Variants in WAC observed in about 807,000 individuals in gnomAD.
The protein encoded by WAC is WW domain containing adaptor with coiled-coil, also known as WW domain-containing adapter protein with coiled-coil.
Under a neutral mutation model 79.6 loss-of-function variants are expected in WAC, and 11 were observed. The ratio of observed to expected loss-of-function variants is 0.14; its 90% confidence interval spans 0.09 to 0.23. The LOEUF (loss-of-function observed/expected upper bound fraction) is 0.23. Among genes scored for constraint, WAC ranks in the 10% least tolerant of loss-of-function variants. WAC has a pLI of 1.00. For missense variants in WAC, 728 were observed against 773.5 expected (o/e 0.94, Z 0.70); for synonymous variants, 304 against 276.9 (o/e 1.10, Z -0.97).
At chr10:28,557,026 C>T (rs1387032860) in intron 3 of WAC, among the ~76,000 whole-genome samples, 1 of 149,542 alleles carries the variant, frequency 6.7e-6, no homozygotes, top group Non-Finnish European at 1.5e-5. Flanking sequence ...AAATGCTTAG[C>T]TATTTGTGGT....
At chr10:28,599,263 CTGT>C (rs1329634445) in intron 7 of WAC, among the ~76,000 whole-genome samples, 6 of 152,078 alleles carry the variant, frequency 3.9e-5, no homozygotes, top group Non-Finnish European at 8.8e-5. Context: ...TCAGGTTGGC[CTGT>C]TGTTCTTAAG....
chr10:28,612,954 TGG>T, intron 10 of WAC, among the ~76,000 whole-genome samples: 1 of 152,192 alleles, frequency 6.6e-6, no homozygotes, highest in Non-Finnish European at 1.5e-5. Context: ...GTGGTAGTAT[TGG>T]TTTTATAGTC....
At chr10:28,565,989 A>G (rs1564389674) in intron 3 of WAC, among the ~76,000 whole-genome samples, 1 of 152,170 alleles carries the variant, frequency 6.6e-6, no homozygotes, top group South Asian at 2.1e-4. Flanking sequence ...CATTTATACC[A>G]AAGTTTCATA....
chr10:28,603,472 C>T (rs571082717), intron 7 of WAC, among the ~76,000 whole-genome samples: 8 of 152,296 alleles, frequency 5.3e-5, no homozygotes, highest in African/African-American at 1.9e-4. Context: ...ACACTACATT[C>T]TCTCACGTAA....
In WAC at chr10:28,568,927, G is replaced by A. The variant is rs576448206; in HGVS notation, c.275-14472G>A. On this transcript the variant is annotated intron_variant, in intron 3 of 13. Transcript: ENST00000354911. ...AACACCCAGATAAATAGTAATTAGA[G>A]AACATATATGTCCCTGTGATTACAT... Among the ~76,000 whole-genome samples the A allele has an allele frequency of 3.9e-5, 6 of 152,270 alleles. No homozygotes were observed. The South Asian group carries it at 1.2e-3, about 32-fold the overall frequency.
Position 28,588,669 on chromosome 10 carries a change from T to C in WAC, c.382-1067T>C, listed in dbSNP as rs1460712621. 3 of 152,192 alleles carry C rather than the reference T, an allele frequency of 2.0e-5. No individual in the cohort carries two copies. The East Asian group carries it at 5.8e-4, about 29-fold the overall frequency. 9.4% of individuals were successfully genotyped at this position (152,192 alleles called of 1,614,324 possible). A position where few individuals can be genotyped will look rare whatever the true frequency, so the allele number is the denominator to read the frequency against. On this transcript the variant is annotated intron_variant, in intron 4 of 13. Coordinates refer to ENST00000354911, the MANE Select transcript of WAC (RefSeq NM_016628.5). Reference sequence around the variant, plus strand: ...GCACGATACAGTGAACCCAGAAGGATAGGCTATGATAGTATAGTACATTAT... The same window carrying C: ...GCACGATACAGTGAACCCAGAAGGACAGGCTATGATAGTATAGTACATTAT...
chr10:28,557,901 C>T (rs868263865), intron 3 of WAC, among the ~76,000 whole-genome samples: 3 of 151,646 alleles, frequency 2.0e-5, no homozygotes, highest in African/African-American at 4.8e-5. Context: ...TGTGAAACCT[C>T]GTCTCTACTA....
rs1231340137 is a variant in WAC, at chr10:28,589,550, A to G, written c.382-186A>G. Reference sequence around the variant, plus strand: ...TCTGCTTAATTTTGATATTTTATAAAGTTCTGTTGTCTTTGAAGATTTTCA... The same window carrying G: ...TCTGCTTAATTTTGATATTTTATAAGGTTCTGTTGTCTTTGAAGATTTTCA... On this transcript the variant is annotated intron_variant, in intron 4 of 13. Coordinates refer to ENST00000354911, the MANE Select transcript of WAC (RefSeq NM_016628.5). The G allele has an allele frequency of 4.2e-5, 14 of 334,996 alleles. No individual in the cohort carries two copies. The highest frequency in any genetic ancestry group is 4.8e-5 in the Admixed American group (1 of 20,728). The allele number at this position is 334,996 out of a possible 1,614,324, so 20.8% of individuals were successfully genotyped here.
At position 28,533,230 on chromosome 10, in the gene WAC, G is replaced by C. The variant is rs1034703438; in HGVS notation, c.-350G>C. ...AGGCGGCGGCAGCAGCGGCGGCGGC[G>C]GGGGGAGGAGGGGAGGAGGCGGCGG... On this transcript the variant is annotated 5_prime_UTR_variant, in exon 1 of 14. Transcript: ENST00000354911. The C allele has an allele frequency of 1.2e-5, 2 of 167,946 alleles. No homozygotes were observed. Among genetic ancestry groups the C allele is most frequent in the Non-Finnish European group, 2.5e-5 (2 of 79,096 alleles). The allele number at this position is 167,946 out of a possible 1,614,324, so 10.4% of individuals were successfully genotyped here.
At chr10:28,587,497 A>T (rs1195060813) in intron 4 of WAC, among the ~76,000 whole-genome samples, 1 of 152,214 alleles carries the variant, frequency 6.6e-6, no homozygotes, top group Non-Finnish European at 1.5e-5. Flanking sequence ...GGTTTCCTGG[A>T]TAACACTTGG....
intron 3 of WAC, among the ~76,000 whole-genome samples, chr10:28,546,148 A>G (rs1300957269): frequency 1.3e-5 from 2 of 152,220 alleles, no homozygotes; most frequent in East Asian, 3.8e-4. Context: ...TGACAGTGCC[A>G]AAAGAGCATG....
chr10:28,538,269 A>G, intron 3 of WAC: 1 of 287,300 alleles, frequency 3.5e-6, no homozygotes. Flanking sequence ...GGCATTATAA[A>G]CTCCTTTGGA....
At chr10:28,571,222 G>A (rs986839928) in intron 3 of WAC, among the ~76,000 whole-genome samples, 1 of 152,064 alleles carries the variant, frequency 6.6e-6, no homozygotes, top group African/African-American at 2.4e-5. Context: ...GAGCCACCAT[G>A]CCTGGCCCTT....
intron 3 of WAC, among the ~76,000 whole-genome samples, chr10:28,547,666 C>A (rs1019931229): frequency 1.3e-5 from 2 of 151,686 alleles, no homozygotes; most frequent in African/African-American, 4.8e-5. Context: ...ATCATTTATC[C>A]TTTAATTTTT....
chr10:28,565,145 A>G (rs151105145), intron 3 of WAC, among the ~76,000 whole-genome samples: 149 of 152,268 alleles, frequency 9.8e-4, no homozygotes, highest in Non-Finnish European at 1.8e-3. Context: ...AAACCATCCA[A>G]GTTGTTATAT....
intron 10 of WAC, among the ~76,000 whole-genome samples, chr10:28,614,188 C>T (rs1186485314): frequency 1.3e-5 from 2 of 152,038 alleles, no homozygotes; most frequent in African/African-American, 4.8e-5. Flanking sequence ...TCACTGCAAG[C>T]TCCGCCTTCC....
rs185559563 is a variant in WAC at position 28,590,028 on chromosome 10, A to G, written c.497+177A>G. Among the ~76,000 whole-genome samples the G allele has an allele frequency of 1.5e-3, 223 of 152,276 alleles. 2 individuals are homozygous for G. The highest frequency in any genetic ancestry group is 0.012 in the Admixed American group (176 of 15,290). On this transcript the variant is annotated intron_variant, in intron 5 of 13. Transcript: ENST00000354911. ...CCATAGTTTGTCTTTACTTTTAAAA[A>G]CAAAAAACCTGGCTGGGTGCAGTGG...
chr10:28,582,506 A>T (rs1839590724), intron 3 of WAC, among the ~76,000 whole-genome samples: 1 of 152,126 alleles, frequency 6.6e-6, no homozygotes, highest in Non-Finnish European at 1.5e-5. Flanking sequence ...GGAGCATTTA[A>T]ATTGCTCTTT....
intron 3 of WAC, among the ~76,000 whole-genome samples, chr10:28,577,780 C>T (rs1009909011): frequency 3.3e-5 from 5 of 152,108 alleles, no homozygotes; most frequent in African/African-American, 4.8e-5. Flanking sequence ...GTGTCCTCTA[C>T]CATTTGACTT....
Sources: gnomAD v4.1 joint callset for allele counts (sites outside exome capture counted in the v4.1 genomes callset) on GRCh38, gnomAD v4.1.1 for gene constraint, MANE v1.5 for transcripts, NCBI Gene and HGNC (gene_info 2026-07-23, HGNC 2026-07-21) for gene names.